The following ACOXL variants were observed in gnomAD, a reference collection of about 807,000 sequenced individuals.
ACOXL encodes acyl-coenzyme A oxidase-like protein.
ACOXL carries 70 observed loss-of-function variants against 71.9 expected under a neutral mutation model. The ratio of observed to expected loss-of-function variants is 0.97; its 90% CI spans 0.80 to 1.19. The LOEUF (loss-of-function observed/expected upper bound fraction) is 1.19. Among genes scored for constraint, ACOXL ranks in the 50% most tolerant of loss-of-function variants. The pLI is 0.00. For synonymous variants in ACOXL, 253 were observed against 281.6 expected (o/e 0.90, Z 1.02); for missense variants, 703 against 736.3 (o/e 0.95, Z 0.52).
At chr2:111,083,121 G>A (rs138079458) in intron 16 of ACOXL, among the ~76,000 whole-genome samples, 41 of 152,126 alleles carry the variant, frequency 2.7e-4, no homozygotes, top group African/African-American at 8.7e-4. Context: ...ACCATGGCAC[G>A]TGTATAGCTA....
At chr2:110,835,413 A>AG (rs1690331549) in intron 9 of ACOXL, among the ~76,000 whole-genome samples, 1 of 152,136 alleles carries the variant, frequency 6.6e-6, no homozygotes, top group Non-Finnish European at 1.5e-5. Flanking sequence ...GAACACAGAA[A>AG]GGGGAGGGTG....
At chr2:111,026,657 A>G (rs1007327102) in intron 14 of ACOXL, among the ~76,000 whole-genome samples, 1 of 152,114 alleles carries the variant, frequency 6.6e-6, no homozygotes, top group African/African-American at 2.4e-5. Context: ...TTGTATATCA[A>G]TCTTGTACTT....
intron 14 of ACOXL, chr2:111,016,774 G>A (rs2064463286): frequency 2.6e-5 from 4 of 152,760 alleles, no homozygotes; most frequent in Admixed American, 2.6e-4. Context: ...TGTACCAGTA[G>A]CCAGGGTCAC....
At position 111,071,178 on chromosome 2, in the gene ACOXL, T is replaced by C. The variant is rs187198159; in HGVS notation, c.1441-21687T>C. The stretch of plus-strand genomic sequence containing the variant: ...TGGATTTTAAAAATTGGGAAACATC[T>C]CCAAGCAGTTTGGAAGGAAAAGAGA... On this transcript the variant is annotated intron_variant, in intron 16 of 17. Coordinates refer to ENST00000439055, the MANE Select transcript of ACOXL (RefSeq NM_001142807.4). Among the ~76,000 whole-genome samples the C allele has an allele frequency of 3.9e-5, 6 of 152,206 alleles. No homozygotes were observed. The East Asian group carries it at 9.7e-4, about 25-fold the overall frequency.
At chr2:110,757,131 A>G (rs1002413836) in intron 1 of ACOXL, among the ~76,000 whole-genome samples, 13 of 152,112 alleles carry the variant, frequency 8.5e-5, no homozygotes, top group African/African-American at 2.9e-4. Flanking sequence ...GCTCCCACTT[A>G]TAAGTGAGAA....
intron 12 of ACOXL, among the ~76,000 whole-genome samples, chr2:110,979,377 C>T (rs2062603174): frequency 6.6e-6 from 1 of 152,198 alleles, no homozygotes; most frequent in Non-Finnish European, 1.5e-5. Flanking sequence ...ATAGCTGCCA[C>T]AATTCTGGGG....
At chr2:110,831,551 A>C (rs902823512) in intron 9 of ACOXL, among the ~76,000 whole-genome samples, 7 of 152,240 alleles carry the variant, frequency 4.6e-5, no homozygotes, top group African/African-American at 1.4e-4. Context: ...ATTCCTATCA[A>C]AATCTCAGCA....
chr2:110,983,913 G>C (rs1436822296), intron 12 of ACOXL, among the ~76,000 whole-genome samples: 3 of 152,052 alleles, frequency 2.0e-5, no homozygotes, highest in Non-Finnish European at 4.4e-5. Context: ...GCAGTGATGT[G>C]ATCTCAGCTC....
intron 12 of ACOXL, among the ~76,000 whole-genome samples, chr2:110,982,305 T>G (rs2062742567): frequency 1.3e-5 from 2 of 152,162 alleles, no homozygotes; most frequent in South Asian, 4.1e-4. Context: ...TGCTTACTTG[T>G]TGGTTTCTGT....
At chr2:111,093,008 C>T (rs1558961291) in intron 17 of ACOXL, 42 bp downstream of exon 17, 6 of 1,496,138 alleles carry the variant, frequency 4.0e-6, no homozygotes, top group Non-Finnish European at 5.6e-6. Flanking sequence ...GTACATCAGC[C>T]CTGGTCTCCT....
intron 10 of ACOXL, among the ~76,000 whole-genome samples, chr2:110,867,816 G>A (rs1188891971): frequency 1.3e-5 from 2 of 152,128 alleles, no homozygotes; most frequent in Admixed American, 6.5e-5. Flanking sequence ...AAGCTGGAGT[G>A]CAGTGGCATG....
At chr2:111,111,855 A>G (rs2069988865) in intron 17 of ACOXL, among the ~76,000 whole-genome samples, 1 of 152,214 alleles carries the variant, frequency 6.6e-6, no homozygotes, top group African/African-American at 2.4e-5. Context: ...TCTTAGAGAT[A>G]AGGAAGGTAG....
chr2:111,071,123 G>C (rs766211691), intron 16 of ACOXL, among the ~76,000 whole-genome samples: 1 of 152,034 alleles, frequency 6.6e-6, no homozygotes, highest in East Asian at 1.9e-4. Context: ...AAGAAGCATA[G>C]TTTTTAAGAC....
chr2:111,041,813 C>T (rs2149794929), intron 15 of ACOXL, among the ~76,000 whole-genome samples: 1 of 152,274 alleles, frequency 6.6e-6, no homozygotes, highest in Admixed American at 6.5e-5. Flanking sequence ...GTGCATTTGC[C>T]CCAAGCTGAA....
intron 16 of ACOXL, 50 bp from the exon 17 acceptor site, chr2:111,092,815 T>G (rs767868162): frequency 7.7e-7 from 1 of 1,299,074 alleles, no homozygotes; most frequent in South Asian, 1.2e-5. Context: ...TTTTGTGTTT[T>G]CTAATATATT....
At chr2:111,036,362 G>T (rs566808837) in intron 15 of ACOXL, among the ~76,000 whole-genome samples, 1 of 152,292 alleles carries the variant, frequency 6.6e-6, no homozygotes, top group African/African-American at 2.4e-5. Context: ...GAGGGAAGGA[G>T]CCCTGGGTGC....
chr2:110,806,149 C>T (rs1039105099), intron 9 of ACOXL, among the ~76,000 whole-genome samples: 15 of 152,236 alleles, frequency 9.9e-5, no homozygotes, highest in African/African-American at 2.7e-4. Context: ...AGTCCGGAGT[C>T]GTCTGAATAG....
intron 14 of ACOXL, among the ~76,000 whole-genome samples, chr2:111,010,644 A>G (rs2064107046): frequency 6.6e-6 from 1 of 152,160 alleles, no homozygotes; most frequent in Non-Finnish European, 1.5e-5. Flanking sequence ...AGAGCCCATC[A>G]TAGTATAATT....
At chr2:110,742,937 C>T (rs145356475) in intron 1 of ACOXL, among the ~76,000 whole-genome samples, 3 of 152,286 alleles carry the variant, frequency 2.0e-5, no homozygotes, top group Non-Finnish European at 4.4e-5. Flanking sequence ...TAACATACAA[C>T]TAACCATTTT....
Sources: allele counts gnomAD v4.1 joint callset (sites outside exome capture counted in the v4.1 genomes callset), GRCh38; gene constraint gnomAD v4.1.1; transcripts MANE v1.5; gene names NCBI Gene and HGNC (gene_info 2026-07-23, HGNC 2026-07-21).